The following TRMT5 variants were observed in gnomAD, a reference collection of about 807,000 sequenced individuals.
TRMT5 encodes the protein tRNA (guanine(37)-N(1))-methyltransferase.
A neutral mutation model predicts 42.2 loss-of-function variants in TRMT5; 31 were observed. That is an observed-to-expected ratio of 0.73 (90% CI 0.55 to 0.99). The LOEUF (loss-of-function observed/expected upper bound fraction) is 0.99. Ranked by LOEUF, TRMT5 falls within the 50% of genes least tolerant of loss-of-function variation. TRMT5 has a pLI of 0.00. For missense variants in TRMT5, 568 were observed against 595.0 expected (o/e 0.95, Z 0.47); for synonymous variants, 198 against 209.6 (o/e 0.94, Z 0.48).
chr14:60,975,640 G>A lies in TRMT5; in HGVS notation c.1279C>T (p.Pro427Ser). ...GCCCTTTGCCGAACATCCTCAGCAG[G>A]GTTAGCATCTTTGGAAAAGCTATAA... ...HCYSFSKDAN[P>S]AEDVRQRAGA... The change falls in exon 4 of 5, where the codon CCT becomes TCT. Residue 427 changes from proline (P) to serine (S), a missense_variant. Coordinates refer to ENST00000261249, the MANE Select transcript of TRMT5 (RefSeq NM_020810.3). 6.2e-7 allele frequency: 1 copy of A among 1,614,118 alleles called. No individual in the cohort carries two copies. Among genetic ancestry groups the A allele is most frequent in the Non-Finnish European group, 8.5e-7 (1 of 1,180,018 alleles).
chr14:60,979,465 T>G lies in TRMT5; in HGVS notation c.433A>C (p.Ile145Leu). Residue 145 changes from isoleucine to leucine, a missense_variant, in exon 2 of 5, where the codon ATA becomes CTA. Physicochemically the swap from Ile to Leu is conservative, Grantham distance 5. Coordinates refer to ENST00000261249, the MANE Select transcript of TRMT5 (RefSeq NM_020810.3). Reference protein sequence around the residue: ...SRLIMLDPYKIFTHDSFEKAE... With the variant: ...SRLIMLDPYKLFTHDSFEKAE... ...TTCTCAAAGGAATCATGAGTAAATA[T>G]TTTATAGGGATCCAACATGATTAGT... is the stretch of plus-strand genomic sequence containing the variant. 1 of 1,614,192 alleles carries G rather than the reference T, an allele frequency of 6.2e-7. No individual in the cohort carries two copies. Among genetic ancestry groups the G allele is most frequent in the South Asian group, 1.1e-5 (1 of 91,078 alleles).
rs375136664 is a variant in TRMT5 at position 60,976,068 on chromosome 14, C to G, written c.851G>C (p.Arg284Pro). ...FDFSKVYWNPRLSTEHSRITE... is the reference protein window; with the variant it reads ...FDFSKVYWNPPLSTEHSRITE... The stretch of plus-strand genomic sequence containing the variant: ...GATACGGCTGTGTTCTGTAGACAGA[C>G]GAGGATTCCAATAGACTTTTGAAAA... The change falls in exon 4 of 5, where the codon CGT becomes CCT. Residue 284 changes from arginine to proline, a missense_variant. Arg to Pro is a moderately radical substitution (Grantham distance 103). Coordinates refer to ENST00000261249, the MANE Select transcript of TRMT5 (RefSeq NM_020810.3). 2 of 1,613,792 alleles carry G rather than the reference C, an allele frequency of 1.2e-6. No homozygotes were observed.
chr14:60,981,004 T>A lies in TRMT5; in HGVS notation c.-31A>T. The A allele has an allele frequency of 6.2e-7, 1 of 1,608,926 alleles. No individual in the cohort carries two copies. The highest frequency in any genetic ancestry group is 8.5e-7 in the Non-Finnish European group (1 of 1,179,722). On this transcript the variant is annotated 5_prime_UTR_variant, in exon 1 of 5. Coordinates refer to ENST00000261249, the MANE Select transcript of TRMT5 (RefSeq NM_020810.3). ...TTCCCCACGTCGCTCTGCAGCTGGA[T>A]CCGCGAGCCGACCCCTCACCTCCCG...
upstream of TRMT5, chr14:60,981,421 C>T (rs1387812632): frequency 1.9e-6 from 3 of 1,555,336 alleles, no homozygotes; most frequent in African/African-American, 4.1e-5. Flanking sequence ...CTGACGCCCT[C>T]CGGCTTCCCT....
chr14:60,976,693 T>G (rs2036852925), intron 3 of TRMT5, among the ~76,000 whole-genome samples: 1 of 152,190 alleles, frequency 6.6e-6, no homozygotes, highest in Non-Finnish European at 1.5e-5. Context: ...CTTTGCAAAT[T>G]TGATGTCTAT....
chr14:60,976,035 A>G lies in TRMT5; in HGVS notation c.884T>C (p.Leu295Pro), dbSNP rs1310276379. The part of the protein sequence containing the change: ...LSTEHSRITE[L>P]LKPGDVLFDV... ...AAATAGGACATCCCCAGGTTTGAGA[A>G]GTTCTGTGATACGGCTGTGTTCTGT... Residue 295 changes from leucine to proline, a missense_variant, in exon 4 of 5, where the codon CTT becomes CCT. Physicochemically the swap from Leu to Pro is moderately conservative, Grantham distance 98. Transcript: ENST00000261249. 3.1e-6 allele frequency: 5 copies of G among 1,614,234 alleles called. No homozygotes were observed. Among genetic ancestry groups the G allele is most frequent in the Non-Finnish European group, 3.4e-6 (4 of 1,180,032 alleles).
At chr14:60,975,268 A>G (rs1555340292) in intron 4 of TRMT5, 74 bp from the exon 5 acceptor site, 1 of 1,389,482 alleles carries the variant, frequency 7.2e-7, no homozygotes, top group Non-Finnish European at 9.9e-7. Flanking sequence ...AACAAACAAT[A>G]TAGGCATTTT....
rs750772856 is a variant in TRMT5, at chr14:60,979,638, C to T, written c.260G>A (p.Arg87Lys). ...GTTGACTGTCTTTTTAAAAGCTGTT[C>T]TATCAAGTTTTGTCATGCCTCGGAC... ...SDVRGMTKLD[R>K]TAFKKTVNIP... Residue 87 changes from arginine (R) to lysine (K), a missense_variant, in exon 2 of 5, where the codon AGA becomes AAA. Arg to Lys is a conservative substitution (Grantham distance 26). Transcript: ENST00000261249. 5.6e-6 allele frequency: 9 copies of T among 1,614,102 alleles called. No homozygotes were observed. In the South Asian group the frequency reaches 9.9e-5, roughly 18 times the overall value.
intron 1 of TRMT5, among the ~76,000 whole-genome samples, chr14:60,980,428 T>A (rs1041441072): frequency 6.6e-6 from 1 of 152,240 alleles, no homozygotes; most frequent in Non-Finnish European, 1.5e-5. Context: ...TCCCAGCTGA[T>A]AAGTGGCTAA....
At chr14:60,979,158 AT>A (rs1205790228) in intron 2 of TRMT5, 72 bp downstream of exon 2, 7 of 1,369,118 alleles carry the variant, frequency 5.1e-6, no homozygotes, top group Middle Eastern at 1.9e-4. Flanking sequence ...ATTAAAAAAA[AT>A]AATTTTTAAA....
chr14:60,977,357 G>T (rs1201713132), intron 3 of TRMT5, among the ~76,000 whole-genome samples, 157 bp downstream of exon 3: 1 of 152,004 alleles, frequency 6.6e-6, no homozygotes, highest in Admixed American at 6.6e-5. Flanking sequence ...TTCTGAAAAG[G>T]CTTTATCAGT....
In TRMT5 at chr14:60,972,330, G is replaced by T; in HGVS notation, c.*2779C>A. On this transcript the variant is annotated 3_prime_UTR_variant, in exon 5 of 5. Coordinates refer to ENST00000261249, the MANE Select transcript of TRMT5 (RefSeq NM_020810.3). ...TTTGGGTACCTTCTCTCCCTTCTTT[G>T]CAGGGGCCTTTTTAGGCTTGGGCTC... The T allele has an allele frequency of 1.8e-6, 1 of 544,202 alleles. No individual in the cohort carries two copies. The highest frequency in any genetic ancestry group is 3.7e-6 in the Non-Finnish European group (1 of 271,020). The allele number at this position is 544,202 out of a possible 1,614,324, so 33.7% of individuals were successfully genotyped here. A position where few individuals can be genotyped will look rare whatever the true frequency, so the allele number is the denominator to read the frequency against.
Position 60,975,672 on chromosome 14 carries a change from A to T in TRMT5, c.1247T>A (p.Val416Glu). 15 of 1,614,234 alleles carry T rather than the reference A, an allele frequency of 9.3e-6. No homozygotes were observed. Among genetic ancestry groups the T allele is most frequent in the Non-Finnish European group, 1.2e-5 (14 of 1,180,042 alleles). ...ATCTTTGGAAAAGCTATAACAATGC[A>T]CTATGGGAAGGAACTCACTGCTGCA... ...QPCSSEFLPIVHCYSFSKDAN... is the reference protein window; with the variant it reads ...QPCSSEFLPIEHCYSFSKDAN... Residue 416 changes from valine to glutamate, a missense_variant, in exon 4 of 5, where the codon GTG (valine) becomes GAG (glutamate). By Grantham distance (121) the Val-to-Glu change is moderately radical (BLOSUM62 -2). Transcript: ENST00000261249.
At chr14:60,980,875 G>GTGC in intron 1 of TRMT5, 88 bp downstream of exon 1, 1 of 1,599,668 alleles carries the variant, frequency 6.3e-7, no homozygotes, top group South Asian at 1.1e-5. Flanking sequence ...CGATGTTTCT[G>GTGC]TGCCCAGGCA....
chr14:60,979,732 T>C lies in TRMT5; in HGVS notation c.166A>G (p.Arg56Gly). ...TCTGTTTCTGGCATGGTTGAGAATC[T>C]TTTTCTTTGACCCAATAAGAAAATA... is the stretch of plus-strand genomic sequence containing the variant. Reference protein sequence around the residue: ...PGIFLLGQRKRFSTMPETETH... With the variant: ...PGIFLLGQRKGFSTMPETETH... Residue 56 changes from arginine to glycine, a missense_variant, in exon 2 of 5, where the codon AGA (arginine) becomes GGA (glycine). Physicochemically the swap from Arg to Gly is moderately radical, Grantham distance 125. Coordinates refer to ENST00000261249, the MANE Select transcript of TRMT5 (RefSeq NM_020810.3). 1 of 1,614,100 alleles carries C rather than the reference T, an allele frequency of 6.2e-7. No individual in the cohort carries two copies. Among genetic ancestry groups the C allele is most frequent in the Non-Finnish European group, 8.5e-7 (1 of 1,180,008 alleles).
chr14:60,972,324 T>C lies in TRMT5; in HGVS notation c.*2785A>G. On this transcript the variant is annotated 3_prime_UTR_variant, in exon 5 of 5. Transcript: ENST00000261249. ...TTTCCCTTTGGGTACCTTCTCTCCC[T>C]TCTTTGCAGGGGCCTTTTTAGGCTT... The C allele has an allele frequency of 1.8e-6, 1 of 543,764 alleles. No individual in the cohort carries two copies. 33.7% of individuals were successfully genotyped at this position (543,764 alleles called of 1,614,324 possible).
intron 1 of TRMT5, chr14:60,980,729 A>G: frequency 1.6e-6 from 1 of 631,014 alleles, no homozygotes; most frequent in Admixed American, 2.9e-5. Flanking sequence ...GCAGCTGACC[A>G]GCTGGGTGAC....
intron 4 of TRMT5, 48 bp downstream of exon 4, chr14:60,975,427 T>TA (rs1566589173): frequency 6.4e-7 from 1 of 1,573,552 alleles, no homozygotes; most frequent in African/African-American, 1.4e-5. Context: ...AGGAATTAGT[T>TA]ACAATTGAAT....
At chr14:60,979,133 C>T in intron 2 of TRMT5, 98 bp downstream of exon 2, 1 of 1,049,626 alleles carries the variant, frequency 9.5e-7, no homozygotes, top group Non-Finnish European at 1.4e-6. Context: ...AAATGTTCTG[C>T]CTCTGTAACT....
Sources: allele counts gnomAD v4.1 joint callset (sites outside exome capture counted in the v4.1 genomes callset), GRCh38; gene constraint gnomAD v4.1.1; transcripts MANE v1.5; gene names NCBI Gene and HGNC (gene_info 2026-07-23, HGNC 2026-07-21).